The following ZNF99 variants were observed in gnomAD, a reference collection of about 807,000 sequenced individuals.
ZNF99 encodes the protein zinc finger protein ENSP00000375192.
Under a neutral mutation model 12.8 loss-of-function variants are expected in ZNF99, and 8 were observed. That is an observed-to-expected ratio of 0.62 (90% CI 0.37 to 1.13). The LOEUF (loss-of-function observed/expected upper bound fraction) is 1.13, where lower values mean the gene tolerates loss of function less well. Ranked by LOEUF, ZNF99 falls within the 50% of genes most tolerant of loss-of-function variation. ZNF99 has a pLI of 0.02. For synonymous variants in ZNF99, 318 were observed against 319.0 expected (o/e 1.00, Z 0.03); for missense variants, 1,007 against 1,006.2 (o/e 1.00, Z -0.01).
At chr19:22,769,823 G>A (rs1031490432) in intron 1 of ZNF99, 36 of 1,271,514 alleles carry the variant, frequency 2.8e-5, no homozygotes, top group Non-Finnish European at 3.6e-5. Context: ...CAAACTCTGA[G>A]AAAAAAAGAA....
At chr19:22,783,886 C>G (rs1001396628) in intron 1 of ZNF99, 128 bp downstream of exon 1, 2 of 1,277,832 alleles carry the variant, frequency 1.6e-6, no homozygotes, top group Non-Finnish European at 2.3e-6. Flanking sequence ...TGAGGCCGAG[C>G]TGGGCAAGAG....
intron 3 of ZNF99, 41 bp from the exon 4 acceptor site, chr19:22,759,723 C>T (rs1216897323): frequency 7.3e-7 from 1 of 1,373,740 alleles, no homozygotes; most frequent in Non-Finnish European, 9.7e-7. Flanking sequence ...ACTTGCTAGA[C>T]TCAGATGAAT....
chr19:22,769,494 G>A (rs1047850298), intron 1 of ZNF99, among the ~76,000 whole-genome samples, 170 bp from the exon 2 acceptor site: 27 of 151,972 alleles, frequency 1.8e-4, no homozygotes, highest in African/African-American at 4.1e-4. Context: ...TCGGCTGGGC[G>A]CAGTGGCTCA....
At position 22,758,947 on chromosome 19, in the gene ZNF99, G is replaced by A. The variant is rs1186554366; in HGVS notation, c.962C>T (p.Ala321Val). ...TCTAAGGGCTGAGAAATGGTTAAAAGCTTTGCCACATTCTTCGCATTTGTA... is the reference window on the plus strand; with the variant it reads ...TCTAAGGGCTGAGAAATGGTTAAAAACTTTGCCACATTCTTCGCATTTGTA... ...KPYKCEECGKAFNHFSALRKH... is the reference protein window; with the variant it reads ...KPYKCEECGKVFNHFSALRKH... The change falls in exon 4 of 4, where the codon GCT becomes GTT. Residue 321 changes from alanine to valine, a missense_variant. By Grantham distance (64) the Ala-to-Val change is moderately conservative. Transcript: ENST00000596209. The A allele has an allele frequency of 6.2e-7, 1 of 1,613,666 alleles. No homozygotes were observed. The highest frequency in any genetic ancestry group is 1.3e-5 in the African/African-American group (1 of 74,886).
In ZNF99 at chr19:22,754,228, G is replaced by A. The variant is rs763534798; in HGVS notation, c.*3086C>T. On this transcript the variant is annotated 3_prime_UTR_variant, in exon 4 of 4. Coordinates refer to ENST00000596209, the MANE Select transcript of ZNF99 (RefSeq NM_001080409.3). ...CTAAAAATACAAAAATTAGCTGGGC[G>A]TGGTGGCAGGCGCCTGCAATCCCAG... 51 of 440,784 alleles carry A rather than the reference G, an allele frequency of 1.2e-4. No homozygotes were observed. Among genetic ancestry groups the A allele is most frequent in the Admixed American group, 4.2e-4 (17 of 40,700 alleles). The allele number at this position is 440,784 out of a possible 1,614,324, so 27.3% of individuals were successfully genotyped here.
Position 22,755,180 on chromosome 19 carries a change from A to T in ZNF99, c.*2134T>A. The stretch of plus-strand genomic sequence containing the variant: ...TTAGCAAGAGTTGAGGACTGGCTAA[A>T]AGCATTGCCACTTTCTTCACATTTG... On this transcript the variant is annotated 3_prime_UTR_variant, in exon 4 of 4. Coordinates refer to ENST00000596209, the MANE Select transcript of ZNF99 (RefSeq NM_001080409.3). The T allele has an allele frequency of 3.6e-6, 1 of 274,344 alleles. No homozygotes were observed. Among genetic ancestry groups the T allele is most frequent in the East Asian group, 9.8e-5 (1 of 10,162 alleles). The allele number at this position is 274,344 out of a possible 1,614,324, so 17.0% of individuals were successfully genotyped here. A position where few individuals can be genotyped will look rare whatever the true frequency, so the allele number is the denominator to read the frequency against.
Position 22,759,404 on chromosome 19 carries a change from T to C in ZNF99, c.505A>G (p.Lys169Glu). 6.4e-7 allele frequency: 1 copy of C among 1,571,560 alleles called. No individual in the cohort carries two copies. Among genetic ancestry groups the C allele is most frequent in the Non-Finnish European group, 8.6e-7 (1 of 1,157,246 alleles). ...NSNRYKIRHT[K>E]KKTFKCMKCS... ...TTCATACATTTGAAAGTTTTCTTTT[T>C]AGTGTGTCTAATCTTATATCTATTT... Residue 169 changes from lysine (K) to glutamate (E), a missense_variant, in exon 4 of 4, where the codon AAA (lysine) becomes GAA (glutamate). Coordinates refer to ENST00000596209, the MANE Select transcript of ZNF99 (RefSeq NM_001080409.3).
Position 22,759,649 on chromosome 19 carries a change from G to A in ZNF99, c.260C>T (p.Pro87Leu). 1 of 1,557,920 alleles carries A rather than the reference G, an allele frequency of 6.4e-7. No individual in the cohort carries two copies. Among genetic ancestry groups the A allele is most frequent in the Non-Finnish European group, 8.6e-7 (1 of 1,159,536 alleles). The change falls in exon 4 of 4, where the codon CCA becomes CTA. Residue 87 changes from proline to leucine, a missense_variant. Pro to Leu is a moderately conservative substitution (Grantham distance 98). Coordinates refer to ENST00000596209, the MANE Select transcript of ZNF99 (RefSeq NM_001080409.3). ...GAAAGAATCTTTTATGCTCTGATCT[G>A]GCCAAAAGTCTTGTGTAAAATGAGA... ...ISSHFTQDFW[P>L]DQSIKDSFQE...
intron 3 of ZNF99, among the ~76,000 whole-genome samples, chr19:22,763,904 C>CTTTTTTTTTTTTTTTTTT (rs965211065): frequency 9.8e-6 from 1 of 101,686 alleles, no homozygotes; most frequent in Admixed American, 1.1e-4. Flanking sequence ...TTTTTCTTTC[C>CTTTTTTTTTTTTTTTTTT]TTTTTTTTTT....
intron 1 of ZNF99, among the ~76,000 whole-genome samples, chr19:22,779,293 A>G (rs949826887): frequency 2.0e-5 from 3 of 152,108 alleles, no homozygotes; most frequent in Non-Finnish European, 4.4e-5. Flanking sequence ...TGGGAGGCTG[A>G]GGCAGGCGGA....
Position 22,759,202 on chromosome 19 carries a change from T to C in ZNF99, c.707A>G (p.Lys236Arg). Residue 236 changes from lysine to arginine, a missense_variant, in exon 4 of 4, where the codon AAA becomes AGA. Coordinates refer to ENST00000596209, the MANE Select transcript of ZNF99 (RefSeq NM_001080409.3). ...GAACATTGAAGAGATGTTAAAAGCT[T>C]TGCCACATTTCTTATATTTGTAGGG... ...DKPYKYKKCG[K>R]AFNISSMFTK... is the part of the protein sequence containing the mutation. 1 of 1,575,620 alleles carries C rather than the reference T, an allele frequency of 6.3e-7. No individual in the cohort carries two copies. Among genetic ancestry groups the C allele is most frequent in the South Asian group, 1.1e-5 (1 of 87,682 alleles).
rs550572002 is a variant in ZNF99 at position 22,753,259 on chromosome 19, T to C, written c.*4055A>G. The C allele has an allele frequency of 6.6e-6, 1 of 152,224 alleles. No homozygotes were observed. The highest frequency in any genetic ancestry group is 2.4e-5 in the African/African-American group (1 of 41,566). The allele number at this position is 152,224 out of a possible 1,614,324, so 9.4% of individuals were successfully genotyped here. On this transcript the variant is annotated 3_prime_UTR_variant, in exon 4 of 4. Transcript: ENST00000596209. Reference sequence around the variant, plus strand: ...AAATCACCTCCTCTTTTTTAAGTTATATGCAAATAACTTATCTAAATTTTA... The same window carrying C: ...AAATCACCTCCTCTTTTTTAAGTTACATGCAAATAACTTATCTAAATTTTA...
In ZNF99 at chr19:22,756,925, C is replaced by T. The variant is rs1409577086; in HGVS notation, c.*389G>A. On this transcript the variant is annotated 3_prime_UTR_variant, in exon 4 of 4. Transcript: ENST00000596209. ...TTATGTTCCATAAGTTTTGAGACCA[C>T]TTAAAAGCTTTACCACATTCTTCAC... 15 of 1,608,042 alleles carry T rather than the reference C, an allele frequency of 9.3e-6. No homozygotes were observed. The highest frequency in any genetic ancestry group is 1.3e-5 in the Non-Finnish European group (15 of 1,177,292).
At position 22,756,125 on chromosome 19, in the gene ZNF99, G is replaced by C. The variant is rs1973047174; in HGVS notation, c.*1189C>G. Reference sequence around the variant, plus strand: ...TTTGCCACATTCTTCACATATGGAGGGTCTGTCTCTAGTATAAATTATCTT... The same window carrying C: ...TTTGCCACATTCTTCACATATGGAGCGTCTGTCTCTAGTATAAATTATCTT... On this transcript the variant is annotated 3_prime_UTR_variant, in exon 4 of 4. Transcript: ENST00000596209. The C allele has an allele frequency of 2.0e-6, 3 of 1,478,650 alleles. No individual in the cohort carries two copies. The highest frequency in any genetic ancestry group is 2.8e-5 in the African/African-American group (2 of 72,058). The allele number at this position is 1,478,650 out of a possible 1,614,324, so 91.6% of individuals were successfully genotyped here.
Position 22,755,579 on chromosome 19 carries a change from G to T in ZNF99, c.*1735C>A. On this transcript the variant is annotated 3_prime_UTR_variant, in exon 4 of 4. Transcript: ENST00000596209. Reference sequence around the variant, plus strand: ...AATTATCTTATGTTCAGTAAGTTTTGAGAAGCAGTTAAAAGTTTTGCCAAA... The same window carrying T: ...AATTATCTTATGTTCAGTAAGTTTTTAGAAGCAGTTAAAAGTTTTGCCAAA... 3.5e-6 allele frequency: 1 copy of T among 286,276 alleles called. No individual in the cohort carries two copies. The highest frequency in any genetic ancestry group is 7.1e-6 in the Non-Finnish European group (1 of 140,756). The allele number at this position is 286,276 out of a possible 1,614,324, so 17.7% of individuals were successfully genotyped here. A position where few individuals can be genotyped will look rare whatever the true frequency, so the allele number is the denominator to read the frequency against.
At chr19:22,759,757 A>C in intron 3 of ZNF99, 75 bp from the exon 4 acceptor site, 1 of 1,130,456 alleles carries the variant, frequency 8.8e-7, no homozygotes, top group Middle Eastern at 2.9e-4. Flanking sequence ...CTAACCTATA[A>C]AATTATACAA....
intron 1 of ZNF99, among the ~76,000 whole-genome samples, chr19:22,781,535 G>C (rs914989011): frequency 3.3e-5 from 5 of 151,008 alleles, no homozygotes; most frequent in Non-Finnish European, 5.9e-5. Context: ...GCAGGGGGCA[G>C]AAATTATTTC....
intron 1 of ZNF99, among the ~76,000 whole-genome samples, chr19:22,780,500 A>C (rs1313112419): frequency 6.6e-6 from 1 of 151,984 alleles, no homozygotes; most frequent in Non-Finnish European, 1.5e-5. Flanking sequence ...CGAGACCAGC[A>C]TGGCCAACAT....
intron 3 of ZNF99, among the ~76,000 whole-genome samples, chr19:22,762,368 G>A (rs1338861324): frequency 1.3e-5 from 2 of 152,034 alleles, no homozygotes; most frequent in African/African-American, 4.8e-5. Flanking sequence ...ACCTTTAAGT[G>A]CACTAACTAG....
Sources: allele counts gnomAD v4.1 joint callset (sites outside exome capture counted in the v4.1 genomes callset), GRCh38; gene constraint gnomAD v4.1.1; transcripts MANE v1.5; gene names NCBI Gene and HGNC (gene_info 2026-07-23, HGNC 2026-07-21).